Variants in ITIH5 observed in about 807,000 individuals in gnomAD.
ITIH5 encodes the protein inter-alpha-trypsin inhibitor heavy chain 5, also known as inter-alpha-trypsin inhibitor heavy chain H5.
A neutral mutation model predicts 77.5 loss-of-function variants in ITIH5; 65 were observed. The ratio of observed to expected loss-of-function variants is 0.84; its 90% CI spans 0.69 to 1.03. The LOEUF (loss-of-function observed/expected upper bound fraction) is 1.03. ITIH5 is among the 50% of genes least tolerant of loss of function. The probability of loss-of-function intolerance (pLI) is 0.00; values close to 1 mark genes in which losing one functional copy is unlikely to be tolerated. For synonymous variants in ITIH5, 525 were observed against 494.3 expected (o/e 1.06, Z -0.82); for missense variants, 1,208 against 1,213.1 (o/e 1.00, Z 0.06).
At chr10:7,568,037 TG>T (rs1237280624) in intron 12 of ITIH5, among the ~76,000 whole-genome samples, 1 of 152,190 alleles carries the variant, frequency 6.6e-6, no homozygotes, top group Non-Finnish European at 1.5e-5. Flanking sequence ...TGAACATCAC[TG>T]GGGCTTTTCT....
In ITIH5 at chr10:7,576,410, A is replaced by T. The variant is rs138200783; in HGVS notation, c.1978+43T>A. ...CTGTGGAGGAGGTGAGTGGTATCTCAGGCCCGCGTCCCCCACACCTGGCTG... is the reference window on the plus strand; with the variant it reads ...CTGTGGAGGAGGTGAGTGGTATCTCTGGCCCGCGTCCCCCACACCTGGCTG... On this transcript the variant is annotated intron_variant, in intron 10 of 13. Coordinates refer to ENST00000397146, the MANE Select transcript of ITIH5 (RefSeq NM_030569.7). 3.7e-5 allele frequency: 54 copies of T among 1,455,040 alleles called. No individual in the cohort carries two copies. In the East Asian group the frequency reaches 1.3e-3, roughly 36 times the overall value. The allele number at this position is 1,455,040 out of a possible 1,614,324, so 90.1% of individuals were successfully genotyped here.
At chr10:7,637,734 C>G (rs1030922570) in intron 4 of ITIH5, among the ~76,000 whole-genome samples, 8 of 152,204 alleles carry the variant, frequency 5.3e-5, no homozygotes, top group African/African-American at 1.9e-4. Flanking sequence ...CTACCTCTCC[C>G]TGAGACAGAC....
chr10:7,619,652 T>C (rs1046627500), intron 5 of ITIH5: 12 of 321,502 alleles, frequency 3.7e-5, no homozygotes, highest in South Asian at 1.8e-4. Flanking sequence ...CGAACACGTC[T>C]ACAAGGCGGC....
intron 8 of ITIH5, among the ~76,000 whole-genome samples, chr10:7,582,503 C>T (rs1156352763): frequency 6.6e-6 from 1 of 152,052 alleles, no homozygotes; most frequent in African/African-American, 2.4e-5. Context: ...ACCAAAAGAT[C>T]ACCCATTCTA....
rs778497983 is a variant in ITIH5 at position 7,585,888 on chromosome 10, G to A, written c.1108+13C>T. The A allele has an allele frequency of 4.4e-6, 7 of 1,583,174 alleles. No homozygotes were observed. The South Asian group carries it at 7.0e-5, about 16-fold the overall frequency. On this transcript the variant is annotated intron_variant, in intron 8 of 13. Transcript: ENST00000397146. ...AAAGCCAAGCCAATGTGAAAAGAAGGTGTCATCTTTACCTCCAGTGGGTGA... is the reference window on the plus strand; with the variant it reads ...AAAGCCAAGCCAATGTGAAAAGAAGATGTCATCTTTACCTCCAGTGGGTGA...
At chr10:7,655,224 G>A (rs1279323792) in intron 2 of ITIH5, among the ~76,000 whole-genome samples, 1 of 152,144 alleles carries the variant, frequency 6.6e-6, no homozygotes, top group African/African-American at 2.4e-5. Context: ...TTAGCCTCCA[G>A]CAGCATTGAG....
At chr10:7,629,521 G>GTTGTAGCGTGTGTCCA (rs1554756083) in intron 5 of ITIH5, among the ~76,000 whole-genome samples, 1 of 87,240 alleles carries the variant, frequency 1.1e-5, no homozygotes, top group African/African-American at 4.9e-5. Flanking sequence ...GCGTGTGTCC[G>GTTGTAGCGTGTGTCCA]TGTTGCAGCG....
At chr10:7,625,716 G>T (rs1365789744) in intron 5 of ITIH5, among the ~76,000 whole-genome samples, 2 of 150,948 alleles carry the variant, frequency 1.3e-5, no homozygotes, top group Non-Finnish European at 2.9e-5. Flanking sequence ...CATGAGCCAA[G>T]ACTGCACCAC....
At chr10:7,623,662 G>A (rs1833509966) in intron 5 of ITIH5, among the ~76,000 whole-genome samples, 1 of 152,002 alleles carries the variant, frequency 6.6e-6, no homozygotes, top group Non-Finnish European at 1.5e-5. Flanking sequence ...AAATAGCCAG[G>A]CGTGGTGGCA....
intron 3 of ITIH5, 84 bp downstream of exon 3, chr10:7,641,843 T>C: frequency 5.4e-6 from 6 of 1,115,712 alleles, no homozygotes; most frequent in Admixed American, 2.0e-5. Flanking sequence ...ATCCTCACAG[T>C]CACAAGGCTG....
At chr10:7,662,637 AAGTC>A (rs1834295203) in intron 1 of ITIH5, among the ~76,000 whole-genome samples, 1 of 152,138 alleles carries the variant, frequency 6.6e-6, no homozygotes, top group Non-Finnish European at 1.5e-5. Context: ...TAGGAACACC[AAGTC>A]ACACACAGCT....
At chr10:7,583,233 C>T (rs55726208) in intron 8 of ITIH5, among the ~76,000 whole-genome samples, 5,291 of 152,332 alleles carry the variant, frequency 0.035, 308 homozygotes, top group African/African-American at 0.12. Context: ...GTAGATAAGG[C>T]TATGTCCATG....
intron 7 of ITIH5, chr10:7,600,580 T>A: frequency 2.2e-6 from 1 of 456,710 alleles, no homozygotes; most frequent in South Asian, 1.5e-5. Flanking sequence ...AAGAGATGAT[T>A]GGGAAATCAC....
Position 7,611,802 on chromosome 10 carries a change from A to G in ITIH5, c.939+4180T>C, listed in dbSNP as rs148964372. 4.4e-3 allele frequency among the ~76,000 whole-genome samples: 665 copies of G among 152,120 alleles called. 1 individual carries two copies. Among genetic ancestry groups the G allele is most frequent in the Non-Finnish European group, 7.6e-3 (519 of 68,002 alleles). ...AAAATTTAAAATTTTTATGTAGCTA[A>G]AGTTACCGATTTTCCCCTTTGTAAT... On this transcript the variant is annotated intron_variant, in intron 7 of 13. Transcript: ENST00000397146.
chr10:7,657,445 T>C (rs1395611189), intron 1 of ITIH5, among the ~76,000 whole-genome samples: 3 of 151,740 alleles, frequency 2.0e-5, no homozygotes, highest in Non-Finnish European at 4.4e-5. Flanking sequence ...TAAATTCTAC[T>C]TACAGAAAAG....
Position 7,641,952 on chromosome 10 carries a change from C to T in ITIH5, c.274G>A (p.Ala92Thr). ...DIEFQMQIPAAAFITNFTMLI... is the reference protein window; with the variant it reads ...DIEFQMQIPATAFITNFTMLI... ...ATAGTGAAGTTGGTGATGAAAGCTG[C>T]AGCTGGAATCTGCATCTGGAACTCA... Residue 92 changes from alanine to threonine, a missense_variant, in exon 3 of 14, where the codon GCA becomes ACA. Coordinates refer to ENST00000397146, the MANE Select transcript of ITIH5 (RefSeq NM_030569.7). The T allele has an allele frequency of 6.2e-7, 1 of 1,614,150 alleles. No homozygotes were observed. The highest frequency in any genetic ancestry group is 8.5e-7 in the Non-Finnish European group (1 of 1,180,004).
At chr10:7,566,445 C>A (rs1327348377) in intron 12 of ITIH5, 38 bp from the exon 13 acceptor site, 2 of 1,559,798 alleles carry the variant, frequency 1.3e-6, no homozygotes, top group East Asian at 2.3e-5. Flanking sequence ...GTTAGAAAAT[C>A]TGACCAGGAG....
intron 7 of ITIH5, among the ~76,000 whole-genome samples, chr10:7,601,017 G>A (rs1489727153): frequency 5.9e-5 from 9 of 152,192 alleles, no homozygotes; most frequent in African/African-American, 1.9e-4. Context: ...ATAGTGGCCT[G>A]AATGGACTAA....
intron 2 of ITIH5, 106 bp downstream of exon 2, chr10:7,655,525 C>A: frequency 3.5e-6 from 3 of 858,124 alleles, no homozygotes; most frequent in African/African-American, 1.7e-5. Flanking sequence ...TTTCTACAAG[C>A]AACTTTATAT....
Sources: gnomAD v4.1 joint callset for allele counts (sites outside exome capture counted in the v4.1 genomes callset) on GRCh38, gnomAD v4.1.1 for gene constraint, MANE v1.5 for transcripts, NCBI Gene and HGNC (gene_info 2026-07-23, HGNC 2026-07-21) for gene names.